ROPN1L: variants seen among roughly 807,000 people sequenced by gnomAD.
ROPN1L encodes the protein rhophilin associated tail protein 1 like.
In ROPN1L, 23 loss-of-function variants were observed where a neutral mutation model predicts 22.7. That is an observed-to-expected ratio of 1.01 (90% CI 0.73 to 1.43). The LOEUF is 1.43. ROPN1L is among the 40% of genes most tolerant of loss of function. The probability of loss-of-function intolerance (pLI) is 0.00; values close to 1 mark genes in which losing one functional copy is unlikely to be tolerated. For missense variants in ROPN1L, 271 were observed against 291.5 expected (o/e 0.93, Z 0.51); for synonymous variants, 116 against 117.8 (o/e 0.98, Z 0.10).
downstream of ROPN1L, among the ~76,000 whole-genome samples, chr5:10,468,119 G>A (rs566852174): frequency 6.6e-6 from 1 of 152,372 alleles, no homozygotes; most frequent in South Asian, 2.1e-4. Flanking sequence ...GTCACTCTCG[G>A]CTCAGCTCCA....
intron 3 of ROPN1L, among the ~76,000 whole-genome samples, chr5:10,450,507 A>G (rs1484212599): frequency 6.6e-6 from 1 of 151,554 alleles, no homozygotes; most frequent in Non-Finnish European, 1.5e-5. Flanking sequence ...TTATTTATTC[A>G]TTTTTTTTGA....
chr5:10,448,128 T>C, intron 1 of ROPN1L, 132 bp from the exon 2 acceptor site: 1 of 999,184 alleles, frequency 1.0e-6, no homozygotes, highest in African/African-American at 1.6e-5. Flanking sequence ...AACCAGGACA[T>C]AAGCCCGGGA....
chr5:10,465,464 G>A (rs1475961659), downstream of ROPN1L, among the ~76,000 whole-genome samples: 4 of 151,146 alleles, frequency 2.6e-5, no homozygotes, highest in East Asian at 2.0e-4. Context: ...GCAGTGAGCC[G>A]AGATCGCGCC....
At chr5:10,450,417 T>A (rs1247389550) in intron 3 of ROPN1L, among the ~76,000 whole-genome samples, 1 of 152,244 alleles carries the variant, frequency 6.6e-6, no homozygotes, top group Non-Finnish European at 1.5e-5. Context: ...AATCATTTTG[T>A]AAACTGATAA....
At chr5:10,466,795 C>T (rs1350254876), downstream of ROPN1L, among the ~76,000 whole-genome samples, 1 of 152,102 alleles carries the variant, frequency 6.6e-6, no homozygotes, top group African/African-American at 2.4e-5. Flanking sequence ...CAGAACGAAG[C>T]ACCGGAGACC....
At chr5:10,482,486 T>C in the ROPN1L span, among the ~76,000 whole-genome samples, 1 of 152,226 alleles carries the variant, frequency 6.6e-6, no homozygotes, top group Non-Finnish European at 1.5e-5. Context: ...TGTACATTTC[T>C]TTCCCATAAA....
intron 4 of ROPN1L, 91 bp from the exon 5 acceptor site, chr5:10,464,757 G>T: frequency 1.4e-6 from 1 of 712,024 alleles, no homozygotes; most frequent in Non-Finnish European, 2.3e-6. Context: ...TTTAAAAGTA[G>T]ACCTTTTAAA....
At position 10,461,182 on chromosome 5, in the gene ROPN1L, A is replaced by C. The variant is rs1324793569; in HGVS notation, c.418-2A>C. The C allele has an allele frequency of 3.7e-6, 6 of 1,609,630 alleles. No individual in the cohort carries two copies. The highest frequency in any genetic ancestry group is 5.1e-6 in the Non-Finnish European group (6 of 1,177,282). Reference sequence around the variant, plus strand: ...CTCCCCACCTGGCTGTGGTGCTCCCAGTCCTTGAACACTGCGCTGAAGCAC... The same window carrying C: ...CTCCCCACCTGGCTGTGGTGCTCCCCGTCCTTGAACACTGCGCTGAAGCAC... On this transcript the variant is annotated splice_acceptor_variant, in intron 3 of 4. Coordinates refer to ENST00000274134, the MANE Select transcript of ROPN1L (RefSeq NM_031916.5). LOFTEE classifies it high-confidence loss of function.
At chr5:10,481,027 C>T in the ROPN1L span, among the ~76,000 whole-genome samples, 1 of 152,114 alleles carries the variant, frequency 6.6e-6, no homozygotes, top group Non-Finnish European at 1.5e-5. Flanking sequence ...ACCGCAGTAG[C>T]AGACCTGGGT....
At chr5:10,469,096 A>ACG (rs1477949891), downstream of ROPN1L, among the ~76,000 whole-genome samples, 6 of 152,182 alleles carry the variant, frequency 3.9e-5, no homozygotes, top group Non-Finnish European at 8.8e-5. Flanking sequence ...CGGAGCTTGC[A>ACG]ATGAGCCGAG....
rs751386336 is a variant in ROPN1L, at chr5:10,450,149, GTCA to G, written c.417+41_417+43del. ...ATAAACAGCATATTAATAATTCTGT[GTCA>G]TCATGGTCCCAGCTTAAAAATAATT... On this transcript the variant is annotated intron_variant, in intron 3 of 4. Transcript: ENST00000274134. The G allele has an allele frequency of 1.5e-5, 22 of 1,464,296 alleles. No homozygotes were observed. The African/African-American group carries it at 2.9e-4, about 19-fold the overall frequency. The allele number at this position is 1,464,296 out of a possible 1,614,324, so 90.7% of individuals were successfully genotyped here.
chr5:10,448,149 C>A, intron 1 of ROPN1L, 111 bp from the exon 2 acceptor site: 1 of 1,274,548 alleles, frequency 7.8e-7, no homozygotes, highest in Non-Finnish European at 1.1e-6. Context: ...TGTTGGTCTT[C>A]AGAGCTGTCC....
the ROPN1L span, among the ~76,000 whole-genome samples, chr5:10,477,798 C>T: frequency 2.0e-5 from 3 of 152,036 alleles, no homozygotes; most frequent in African/African-American, 4.8e-5. Context: ...GGTATGGTGG[C>T]GTTCACCTAT....
At chr5:10,480,211 T>A in the ROPN1L span, among the ~76,000 whole-genome samples, 1 of 152,260 alleles carries the variant, frequency 6.6e-6, no homozygotes, top group Non-Finnish European at 1.5e-5. Flanking sequence ...TTCTTTTGAT[T>A]GTCCCCTGGA....
chr5:10,458,677 TCCCCACCATGTACAC>T (rs1734918053), intron 3 of ROPN1L, among the ~76,000 whole-genome samples: 1 of 37,902 alleles, frequency 2.6e-5, no homozygotes, highest in Non-Finnish European at 5.0e-5. Flanking sequence ...ATGTACACCG[TCCCCACCATGTACAC>T]CATCCCCCCG....
chr5:10,462,261 G>A (rs1735046953), intron 4 of ROPN1L, among the ~76,000 whole-genome samples: 2 of 152,184 alleles, frequency 1.3e-5, no homozygotes, highest in African/African-American at 4.8e-5. Context: ...CCAGGAGCGG[G>A]GGTTGAAGAC....
the ROPN1L span, among the ~76,000 whole-genome samples, chr5:10,482,672 G>C: frequency 4.6e-5 from 7 of 152,288 alleles, no homozygotes; most frequent in Admixed American, 2.0e-4. Context: ...GGGAAGGGGA[G>C]GGATGGACAC....
downstream of ROPN1L, among the ~76,000 whole-genome samples, chr5:10,466,367 C>T (rs1735154328): frequency 6.6e-6 from 1 of 152,122 alleles, no homozygotes; most frequent in African/African-American, 2.4e-5. Flanking sequence ...AAGCCCCTGC[C>T]TCCTCTAACC....
chr5:10,452,289 GTGTGTGTGTGTGTGTGTGTGTGTGTC>G (rs1225382616), intron 3 of ROPN1L, among the ~76,000 whole-genome samples: 6 of 135,592 alleles, frequency 4.4e-5, no homozygotes, highest in Middle Eastern at 3.9e-3. Context: ...TAAAGTATAT[GTGTGTGTGTGTGTGTGTGTGTGTGTC>G]TGTGTGTGTG....
Sources: allele counts gnomAD v4.1 joint callset (sites outside exome capture counted in the v4.1 genomes callset), GRCh38; gene constraint gnomAD v4.1.1; transcripts MANE v1.5; gene names NCBI Gene and HGNC (gene_info 2026-07-23, HGNC 2026-07-21).